VEGFA: variants seen among roughly 807,000 people sequenced by gnomAD.
VEGFA encodes the protein vascular endothelial growth factor A, long form.
Under a neutral mutation model 49.7 loss-of-function variants are expected in VEGFA, and 20 were observed. The observed-to-expected ratio is 0.40, with a 90% CI of 0.28 to 0.58. VEGFA has a LOEUF of 0.58. VEGFA is among the 20% of genes least tolerant of loss of function. The pLI is 0.40. For synonymous variants in VEGFA, 219 were observed against 223.4 expected (o/e 0.98, Z 0.18); for missense variants, 505 against 553.5 (o/e 0.91, Z 0.88).
rs2128010441 is a variant in VEGFA, at chr6:43,774,376, G to A, written c.642G>A (p.Gly214=). ...CTGCACCCATGGCAGAAGGAGGAGG[G>A]CAGAATCATCACGAAGGTGAGTCCC... Residue 214 remains glycine (G), a synonymous_variant, in exon 2 of 8, where the codon GGG becomes GGA. Coordinates refer to ENST00000672860, the MANE Select transcript of VEGFA (RefSeq NM_003376.6). 1 of 1,614,240 alleles carries A rather than the reference G, an allele frequency of 6.2e-7. No individual in the cohort carries two copies.
chr6:43,779,079 C>G (rs980534391), intron 5 of VEGFA, 161 bp downstream of exon 5: 4 of 877,746 alleles, frequency 4.6e-6, no homozygotes, highest in Admixed American at 3.9e-5. Context: ...GGAGCCAACT[C>G]CAGGATGATG....
intron 3 of VEGFA, chr6:43,778,172 G>T (rs1472621958): frequency 1.3e-5 from 7 of 541,094 alleles, no homozygotes; most frequent in Non-Finnish European, 2.3e-5. Context: ...GAAGGGGAGG[G>T]GATGGGGAGT....
intron 7 of VEGFA, 26 bp downstream of exon 7, chr6:43,782,113 C>T (rs1767995883): frequency 6.2e-7 from 1 of 1,611,796 alleles, no homozygotes; most frequent in Non-Finnish European, 8.5e-7. Context: ...GCAAGCAAGT[C>T]AGAGAGGGGC....
Position 43,770,230 on chromosome 6 carries a change from G to T in VEGFA, c.-477G>T, listed in dbSNP as rs1177409160. ...AGGATCGCGGAGGCTTGGGGCAGCC[G>T]GGTAGCTCGGAGGTCGTGGCGCTGG... On this transcript the variant is annotated 5_prime_UTR_variant, in exon 1 of 8. Coordinates refer to ENST00000672860, the MANE Select transcript of VEGFA (RefSeq NM_003376.6). The T allele has an allele frequency of 8.2e-6, 2 of 244,762 alleles. No homozygotes were observed. Among genetic ancestry groups the T allele is most frequent in the African/African-American group, 2.2e-5 (1 of 45,616 alleles). The allele number at this position is 244,762 out of a possible 1,614,324, so 15.2% of individuals were successfully genotyped here. A position where few individuals can be genotyped will look rare whatever the true frequency, so the allele number is the denominator to read the frequency against.
At chr6:43,778,021 G>A in intron 3 of VEGFA, 4 of 448,612 alleles carry the variant, frequency 8.9e-6, no homozygotes, top group Non-Finnish European at 1.2e-5. Flanking sequence ...GGTCCATGGA[G>A]AGTTTAAAAA....
Position 43,780,817 on chromosome 6 carries a change from C to A in VEGFA, c.1034+14C>A. ...GTCCTGGAGCGTGTACGTTGGTGCC[C>A]GCTGCTGTCTAATGCCCTGGAGCCT... On this transcript the variant is annotated intron_variant, in intron 6 of 7. Coordinates refer to ENST00000672860, the MANE Select transcript of VEGFA (RefSeq NM_003376.6). 1.2e-6 allele frequency: 2 copies of A among 1,613,948 alleles called. No individual in the cohort carries two copies. Among genetic ancestry groups the A allele is most frequent in the Non-Finnish European group, 1.7e-6 (2 of 1,180,020 alleles).
At chr6:43,774,511 A>G in intron 2 of VEGFA, 119 bp downstream of exon 2, 1 of 1,242,724 alleles carries the variant, frequency 8.0e-7, no homozygotes, top group Non-Finnish European at 1.2e-6. Flanking sequence ...GAATATAAGG[A>G]TCAAGAAAGA....
At chr6:43,776,950 T>A in intron 2 of VEGFA, 1 of 226,666 alleles carries the variant, frequency 4.4e-6, no homozygotes, top group Non-Finnish European at 8.9e-6. Flanking sequence ...GAGAAACTTG[T>A]GTGAAATGAT....
In VEGFA at chr6:43,770,656, G is replaced by T. The variant is rs753178616; in HGVS notation, c.-51G>T. On this transcript the variant is annotated 5_prime_UTR_variant, in exon 1 of 8. Coordinates refer to ENST00000672860, the MANE Select transcript of VEGFA (RefSeq NM_003376.6). ...TGACCTGCTTTTGGGGGTGACCGCC[G>T]GAGCGCGGCGTGAGCCCTCCCCCTT... 42 of 1,513,330 alleles carry T rather than the reference G, an allele frequency of 2.8e-5. No homozygotes were observed. The highest frequency in any genetic ancestry group is 2.1e-4 in the South Asian group (17 of 80,460). 93.7% of individuals were successfully genotyped at this position (1,513,330 alleles called of 1,614,324 possible). A position where few individuals can be genotyped will look rare whatever the true frequency, so the allele number is the denominator to read the frequency against.
At chr6:43,781,630 G>A in intron 6 of VEGFA, 1 of 375,844 alleles carries the variant, frequency 2.7e-6, no homozygotes, top group Non-Finnish European at 5.1e-6. Context: ...GTGCTCCGAT[G>A]GGGGCAACAG....
chr6:43,780,985 G>C lies in VEGFA; in HGVS notation c.1034+182G>C, dbSNP rs1314848514. ...TAATTGGCACCAACGGGTAGATTTG[G>C]TGGTGGCATTGCTGGTCCAGGGTTG... On this transcript the variant is annotated intron_variant, in intron 6 of 7. Coordinates refer to ENST00000672860, the MANE Select transcript of VEGFA (RefSeq NM_003376.6). 2.2e-5 allele frequency: 33 copies of C among 1,479,580 alleles called. 1 individual carries two copies. The South Asian group carries it at 3.8e-4, about 17-fold the overall frequency. 91.7% of individuals were successfully genotyped at this position (1,479,580 alleles called of 1,614,324 possible). A position where few individuals can be genotyped will look rare whatever the true frequency, so the allele number is the denominator to read the frequency against.
chr6:43,781,023 G>T lies in VEGFA; in HGVS notation c.1034+220G>T. Reference sequence around the variant, plus strand: ...TGGTCCAGGGTTGGGGTGAATGGGGGTGCCGACTTGGCCTGGAGGATTAAG... The same window carrying T: ...TGGTCCAGGGTTGGGGTGAATGGGGTTGCCGACTTGGCCTGGAGGATTAAG... On this transcript the variant is annotated intron_variant, in intron 6 of 7. Coordinates refer to ENST00000672860, the MANE Select transcript of VEGFA (RefSeq NM_003376.6). The T allele has an allele frequency of 3.4e-6, 4 of 1,167,692 alleles. No individual in the cohort carries two copies. The South Asian group carries it at 4.1e-5, about 12-fold the overall frequency. 72.3% of individuals were successfully genotyped at this position (1,167,692 alleles called of 1,614,324 possible).
Position 43,784,870 on chromosome 6 carries a change from G to A in VEGFA, c.*308G>A, listed in dbSNP as rs537491073. ...AAATCACCGAGCCCGGAAGATTAGA[G>A]AGTTTTATTTCTGGGATTCCTGTAG... On this transcript the variant is annotated 3_prime_UTR_variant, in exon 8 of 8. Coordinates refer to ENST00000672860, the MANE Select transcript of VEGFA (RefSeq NM_003376.6). 69 of 550,212 alleles carry A rather than the reference G, an allele frequency of 1.3e-4. No homozygotes were observed. Among genetic ancestry groups the A allele is most frequent in the Non-Finnish European group, 2.0e-4 (61 of 307,426 alleles). 34.1% of individuals were successfully genotyped at this position (550,212 alleles called of 1,614,324 possible). A position where few individuals can be genotyped will look rare whatever the true frequency, so the allele number is the denominator to read the frequency against.
chr6:43,781,454 C>G (rs1767711087), intron 6 of VEGFA: 1 of 255,884 alleles, frequency 3.9e-6, no homozygotes, highest in Non-Finnish European at 7.7e-6. Flanking sequence ...GGGCCCTGCC[C>G]TGGGCCCTCT....
chr6:43,774,684 G>T, intron 2 of VEGFA: 1 of 522,024 alleles, frequency 1.9e-6, no homozygotes, highest in Non-Finnish European at 3.5e-6. Flanking sequence ...AGTGTTCAGG[G>T]ATCCTAGGTG....
In VEGFA at chr6:43,773,066, G is replaced by C; in HGVS notation, c.607-1275G>C. 1 of 153,130 alleles carries C rather than the reference G, an allele frequency of 6.5e-6. No individual in the cohort carries two copies. The highest frequency in any genetic ancestry group is 1.5e-5 in the Non-Finnish European group (1 of 68,492). The allele number at this position is 153,130 out of a possible 1,614,324, so 9.5% of individuals were successfully genotyped here. A position where few individuals can be genotyped will look rare whatever the true frequency, so the allele number is the denominator to read the frequency against. On this transcript the variant is annotated intron_variant, in intron 1 of 7. Coordinates refer to ENST00000672860, the MANE Select transcript of VEGFA (RefSeq NM_003376.6). The surrounding 1 kb of genome is among the most constrained non-coding windows in gnomAD (Gnocchi z 5.6). ...GGGGTGTCATGGGAATGGGTGAGGG[G>C]GCTGAGGTGCAGAATCCAGGGGGTC...
chr6:43,778,166 G>C, intron 3 of VEGFA: 1 of 534,566 alleles, frequency 1.9e-6, no homozygotes, highest in Non-Finnish European at 3.4e-6. Context: ...ATGAAAGAAG[G>C]GGAGGGGATG....
intron 1 of VEGFA, 78 bp from the exon 2 acceptor site, chr6:43,774,263 G>A: frequency 6.8e-7 from 1 of 1,469,136 alleles, no homozygotes; most frequent in Non-Finnish European, 9.5e-7. Flanking sequence ...AAGTGAGGAG[G>A]GAGGAGGGGC....
chr6:43,779,846 G>A, intron 5 of VEGFA: 1 of 395,460 alleles, frequency 2.5e-6, no homozygotes, highest in African/African-American at 2.1e-5. Context: ...GGGCTTGGCA[G>A]GCATGGAGAG....
Sources: gnomAD v4.1 joint callset for allele counts on GRCh38, gnomAD v4.1.1 for gene constraint, Gnocchi (gnomAD v3.1) non-coding constraint, MANE v1.5 for transcripts, NCBI Gene and HGNC (gene_info 2026-07-23, HGNC 2026-07-21) for gene names.